AGO3: variants seen among roughly 807,000 people sequenced by gnomAD.
The protein encoded by AGO3 is argonaute RISC catalytic component 3, also known as protein argonaute-3.
AGO3 carries 16 observed loss-of-function variants against 105.5 expected under a neutral mutation model. That is an observed-to-expected ratio of 0.15 (90% CI 0.10 to 0.23). The LOEUF is 0.23. Ranked by LOEUF, AGO3 falls within the 10% of genes least tolerant of loss-of-function variation. AGO3 has a pLI of 1.00. For missense variants in AGO3, 534 were observed against 1,088.0 expected, an observed-to-expected ratio of 0.49 and a Z score of 7.16; for synonymous variants, 340 against 367.3, an observed-to-expected ratio of 0.93 and a Z score of 0.85.
chr1:36,024,812 C>T (rs1269458065), intron 11 of AGO3, among the ~76,000 whole-genome samples: 1 of 152,100 alleles, frequency 6.6e-6, no homozygotes, highest in Non-Finnish European at 1.5e-5. Context: ...CATTTCATAT[C>T]TTTCACCAGT....
At chr1:35,983,133 G>A (rs1454055055) in intron 5 of AGO3, 1 of 153,148 alleles carries the variant, frequency 6.5e-6, no homozygotes, top group African/African-American at 2.4e-5. Context: ...ATTGAATCAG[G>A]CCCATCCACA....
chr1:36,017,237 G>T (rs557922773), intron 11 of AGO3, among the ~76,000 whole-genome samples: 3 of 152,142 alleles, frequency 2.0e-5, no homozygotes, highest in African/African-American at 7.2e-5. Flanking sequence ...AGAGTTTGGA[G>T]TATGCTCCTT....
chr1:35,987,972 G>GCT (rs1647276990), intron 5 of AGO3, among the ~76,000 whole-genome samples: 1 of 151,990 alleles, frequency 6.6e-6, no homozygotes, highest in Non-Finnish European at 1.5e-5. Context: ...GGAGGCTAAG[G>GCT]CAGGAGAATC....
At chr1:36,026,516 A>T (rs1018860045) in intron 11 of AGO3, among the ~76,000 whole-genome samples, 10 of 152,218 alleles carry the variant, frequency 6.6e-5, no homozygotes, top group Admixed American at 2.0e-4. Flanking sequence ...TTCTGGCTCT[A>T]CCATTTGTCT....
intron 1 of AGO3, among the ~76,000 whole-genome samples, chr1:35,938,382 A>G (rs893524809): frequency 2.6e-5 from 4 of 152,212 alleles, no homozygotes; most frequent in African/African-American, 9.6e-5. Flanking sequence ...AGATGAAAGT[A>G]TGATCCTATC....
At chr1:36,015,810 T>C (rs1244924089) in intron 11 of AGO3, among the ~76,000 whole-genome samples, 1 of 152,224 alleles carries the variant, frequency 6.6e-6, no homozygotes, top group Non-Finnish European at 1.5e-5. Context: ...TTTAATCTCA[T>C]TATTCTTCAA....
intron 2 of AGO3, among the ~76,000 whole-genome samples, chr1:35,957,885 G>A (rs1261623693): frequency 6.6e-6 from 1 of 151,466 alleles, no homozygotes; most frequent in Non-Finnish European, 1.5e-5. Context: ...GGGCAACATA[G>A]GGAGACCCCT....
At chr1:35,943,593 C>T (rs1273645921) in intron 1 of AGO3, among the ~76,000 whole-genome samples, 1 of 144,890 alleles carries the variant, frequency 6.9e-6, no homozygotes, top group Non-Finnish European at 1.5e-5. Flanking sequence ...GAGCCACCAC[C>T]CCCAGCCCTT....
chr1:35,934,185 T>C (rs1646106974), intron 1 of AGO3, among the ~76,000 whole-genome samples: 1 of 152,218 alleles, frequency 6.6e-6, no homozygotes, highest in Non-Finnish European at 1.5e-5. Flanking sequence ...AAATGCTTGA[T>C]GATGTTACTT....
At chr1:36,033,118 G>A (rs1169967461) in intron 12 of AGO3, among the ~76,000 whole-genome samples, 1 of 151,290 alleles carries the variant, frequency 6.6e-6, no homozygotes, top group African/African-American at 2.4e-5. Context: ...TGGGCAACAA[G>A]AGCGAAACTC....
At chr1:35,987,277 G>A (rs535992564) in intron 5 of AGO3, among the ~76,000 whole-genome samples, 7 of 151,766 alleles carry the variant, frequency 4.6e-5, no homozygotes, top group Admixed American at 1.3e-4. Flanking sequence ...GCAGCGAGCC[G>A]AGATCATGCC....
intron 13 of AGO3, among the ~76,000 whole-genome samples, chr1:36,035,970 T>G (rs1270117697): frequency 1.3e-5 from 2 of 150,388 alleles, no homozygotes; most frequent in Admixed American, 6.7e-5. Flanking sequence ...GAGGTGGAGC[T>G]TGCAGTGAGC....
chr1:36,028,033 T>TTATG (rs1019278456), intron 12 of AGO3, among the ~76,000 whole-genome samples: 1 of 151,922 alleles, frequency 6.6e-6, no homozygotes, highest in Non-Finnish European at 1.5e-5. Flanking sequence ...GGGACAATAT[T>TTATG]TATGTATGTA....
In AGO3 at chr1:36,065,152, G is replaced by C. The variant is rs1643076404; in HGVS notation, c.*9407G>C. On this transcript the variant is annotated 3_prime_UTR_variant, in exon 19 of 19. Coordinates refer to ENST00000373191, the MANE Select transcript of AGO3 (RefSeq NM_024852.4). ...ACTGCACTCCAGCCTGGGCGACAGA[G>C]CAAGACTCCGTCTCAAAAAAAAAAA... is the stretch of plus-strand genomic sequence containing the variant. The C allele has an allele frequency of 6.6e-6, 1 of 150,482 alleles. No individual in the cohort carries two copies. Among genetic ancestry groups the C allele is most frequent in the Admixed American group, 6.6e-5 (1 of 15,102 alleles). 9.3% of individuals were successfully genotyped at this position (150,482 alleles called of 1,614,324 possible).
rs915311863 is a variant in AGO3, at chr1:36,055,927, A to G, written c.*182A>G. The stretch of plus-strand genomic sequence containing the variant: ...GATTGTTTACTTCATCAAGGAACAC[A>G]GCATCATTATGCAATATGAAACCAG... On this transcript the variant is annotated 3_prime_UTR_variant, in exon 19 of 19. Transcript: ENST00000373191. This position sits in a 1 kb window ranked among gnomAD's most constrained non-coding sequence, Gnocchi z 4.4. The G allele has an allele frequency of 3.4e-5, 19 of 563,294 alleles. No individual in the cohort carries two copies. The highest frequency in any genetic ancestry group is 5.3e-5 in the Non-Finnish European group (17 of 321,390). The allele number at this position is 563,294 out of a possible 1,614,324, so 34.9% of individuals were successfully genotyped here.
chr1:36,039,740 A>C, intron 14 of AGO3, 50 bp from the exon 15 acceptor site: 1 of 1,112,910 alleles, frequency 9.0e-7, no homozygotes, highest in Non-Finnish European at 1.2e-6. Flanking sequence ...AATTTTGATT[A>C]TCATTTATTT....
At chr1:36,052,513 T>G (rs1642758755) in intron 17 of AGO3, among the ~76,000 whole-genome samples, 1 of 152,192 alleles carries the variant, frequency 6.6e-6, no homozygotes, top group Non-Finnish European at 1.5e-5. Context: ...AATTACCAAC[T>G]TATTGTATAT....
At chr1:36,043,306 T>C in intron 16 of AGO3, 141 bp from the exon 17 acceptor site, 1 of 675,674 alleles carries the variant, frequency 1.5e-6, no homozygotes, top group Non-Finnish European at 2.6e-6. Context: ...TAGTCTGCTC[T>C]GAATGACTGC....
In AGO3 at chr1:36,013,483, C is replaced by T. The variant is rs1004566307; in HGVS notation, c.1150-147C>T. On this transcript the variant is annotated intron_variant, in intron 9 of 18. Coordinates refer to ENST00000373191, the MANE Select transcript of AGO3 (RefSeq NM_024852.4). ...GACCCATGGTCCCCAGGTTAAGATTCGCTGTTCTGTAGTTAGAGCACCATT... is the reference window on the plus strand; with the variant it reads ...GACCCATGGTCCCCAGGTTAAGATTTGCTGTTCTGTAGTTAGAGCACCATT... 4.3e-5 allele frequency: 44 copies of T among 1,025,654 alleles called. No individual in the cohort carries two copies. In the South Asian group the frequency reaches 5.5e-4, roughly 13 times the overall value. 63.5% of individuals were successfully genotyped at this position (1,025,654 alleles called of 1,614,324 possible). A position where few individuals can be genotyped will look rare whatever the true frequency, so the allele number is the denominator to read the frequency against.
Sources: gnomAD v4.1 joint callset for allele counts (sites outside exome capture counted in the v4.1 genomes callset) on GRCh38, gnomAD v4.1.1 for gene constraint, Gnocchi (gnomAD v3.1) non-coding constraint, MANE v1.5 for transcripts, NCBI Gene and HGNC (gene_info 2026-07-23, HGNC 2026-07-21) for gene names.